CSMD2: variants seen among roughly 807,000 people sequenced by gnomAD.
CSMD2 encodes CUB and Sushi multiple domains 2.
CSMD2 carries 130 observed loss-of-function variants against 398.5 expected under a neutral mutation model. The observed-to-expected ratio is 0.33, with a 90% CI of 0.28 to 0.38. The LOEUF is 0.38. Among genes scored for constraint, CSMD2 ranks in the 10% least tolerant of loss-of-function variants. The pLI is 1.00. For synonymous variants in CSMD2, 1,828 were observed against 1,908.5 expected (o/e 0.96, Z 1.10); for missense variants, 3,829 against 4,764.9 (o/e 0.80, Z 5.78).
intron 10 of CSMD2, among the ~76,000 whole-genome samples, chr1:33,803,334 CCTCT>C (rs1212020565): frequency 6.6e-6 from 1 of 152,220 alleles, no homozygotes; most frequent in Non-Finnish European, 1.5e-5. Flanking sequence ...AACACCCAAA[CCTCT>C]CTCTTAAACT....
At chr1:33,517,167 T>A (rs1653840975) in intron 70 of CSMD2, among the ~76,000 whole-genome samples, 1 of 152,208 alleles carries the variant, frequency 6.6e-6, no homozygotes, top group African/African-American at 2.4e-5. Flanking sequence ...AAAATTACCA[T>A]CTAGTCACTC....
intron 3 of CSMD2, among the ~76,000 whole-genome samples, chr1:33,985,500 G>A (rs1417068774): frequency 1.3e-5 from 2 of 152,188 alleles, no homozygotes; most frequent in Non-Finnish European, 2.9e-5. Context: ...TGTTGGGAAG[G>A]CATGGGGCTG....
chr1:33,972,007 G>C (rs1645789383), intron 3 of CSMD2, among the ~76,000 whole-genome samples: 1 of 152,120 alleles, frequency 6.6e-6, no homozygotes. Context: ...AGTCCTCAAA[G>C]GACTGCTGCG....
chr1:33,534,340 G>A lies in CSMD2; in HGVS notation c.9880-433C>T, dbSNP rs78264530. Among the ~76,000 whole-genome samples, 440 of 152,316 alleles carry A rather than the reference G, an allele frequency of 2.9e-3. 1 individual carries two copies. The highest frequency in any genetic ancestry group is 0.01 in the African/African-American group (420 of 41,568). ...CGGATTTGACAGCATTTTACAAAAT[G>A]TGAAGAAGAGTGCAAATTAAATATT... On this transcript the variant is annotated intron_variant, in intron 62 of 70. Coordinates refer to ENST00000373381, the MANE Select transcript of CSMD2 (RefSeq NM_001281956.2).
intron 4 of CSMD2, among the ~76,000 whole-genome samples, chr1:33,933,436 T>C (rs182713728): frequency 1.4e-3 from 209 of 152,364 alleles, no homozygotes; most frequent in Middle Eastern, 0.01. Context: ...CATTTGTTTC[T>C]GGTTTTTATC....
At chr1:33,565,133 G>A (rs763766465) in intron 53 of CSMD2, among the ~76,000 whole-genome samples, 4 of 152,208 alleles carry the variant, frequency 2.6e-5, no homozygotes, top group Non-Finnish European at 2.9e-5. Flanking sequence ...GAGCAAGACT[G>A]TATGAGAAAG....
chr1:33,526,814 A>G (rs1314095227), intron 65 of CSMD2, among the ~76,000 whole-genome samples: 1 of 152,234 alleles, frequency 6.6e-6, no homozygotes, highest in African/African-American at 2.4e-5. Flanking sequence ...TGGATGTGAT[A>G]CTTGGAAAGA....
intron 40 of CSMD2, 38 bp from the exon 41 acceptor site, chr1:33,611,288 C>T: frequency 6.4e-7 from 1 of 1,554,834 alleles, no homozygotes; most frequent in Non-Finnish European, 8.9e-7. Context: ...CCCAAAGCAA[C>T]ACAGTCCTGC....
chr1:34,090,288 C>G (rs1189213098), intron 1 of CSMD2, among the ~76,000 whole-genome samples: 2 of 152,196 alleles, frequency 1.3e-5, no homozygotes, highest in African/African-American at 4.8e-5. Flanking sequence ...CTCTGTGGGA[C>G]CACACTTTGA....
Position 33,562,077 on chromosome 1 carries a change from C to T in CSMD2, c.8381-2604G>A, listed in dbSNP as rs551422165. 9.2e-5 allele frequency among the ~76,000 whole-genome samples: 14 copies of T among 152,276 alleles called. No individual in the cohort carries two copies. In the South Asian group the frequency reaches 1.2e-3, roughly 14 times the overall value. On this transcript the variant is annotated intron_variant, in intron 53 of 70. Transcript: ENST00000373381. ...AAAAGTAGTAAAGCAAAAAGCTCTACAGGAGGGGGTAGTTGTCACAGAGCC... is the reference window on the plus strand; with the variant it reads ...AAAAGTAGTAAAGCAAAAAGCTCTATAGGAGGGGGTAGTTGTCACAGAGCC...
At chr1:34,077,316 G>A (rs1267925554) in intron 2 of CSMD2, among the ~76,000 whole-genome samples, 1 of 150,942 alleles carries the variant, frequency 6.6e-6, no homozygotes, top group African/African-American at 2.4e-5. Flanking sequence ...AATTAGCCGG[G>A]CGCGGTGGCG....
At chr1:33,521,705 G>A (rs766147638) in intron 67 of CSMD2, among the ~76,000 whole-genome samples, 155 bp from the exon 68 acceptor site, 7 of 152,214 alleles carry the variant, frequency 4.6e-5, no homozygotes, top group South Asian at 4.1e-4. Flanking sequence ...AAGGGTGGGT[G>A]TGACCGGGGA....
chr1:33,864,170 G>A (rs1416147904), intron 5 of CSMD2: 14 of 1,573,214 alleles, frequency 8.9e-6, no homozygotes, highest in Non-Finnish European at 1.0e-5. Flanking sequence ...ACTGAATCCA[G>A]AAAAAAGGTG....
chr1:33,999,959 C>T (rs187909758), intron 3 of CSMD2, among the ~76,000 whole-genome samples: 1 of 152,128 alleles, frequency 6.6e-6, no homozygotes, highest in Admixed American at 6.5e-5. Flanking sequence ...TAAAGATGTC[C>T]AGTGAAGGTA....
chr1:33,743,505 C>T lies in CSMD2; in HGVS notation c.1948G>A (p.Ala650Thr), dbSNP rs1250755081. Reference sequence around the variant, plus strand: ...AGGTGGATGCGGCTCTCAGGCCTGGCCAGGATGAGCCAGACACAGTGGAGG... The same window carrying T: ...AGGTGGATGCGGCTCTCAGGCCTGGTCAGGATGAGCCAGACACAGTGGAGG... ...NHLHCVWLIL[A>T]RPESRIHLAF... The change falls in exon 14 of 71, where the codon GCC becomes ACC. Residue 650 changes from alanine to threonine, a missense_variant. Coordinates refer to ENST00000373381, the MANE Select transcript of CSMD2 (RefSeq NM_001281956.2). 1 of 1,614,012 alleles carries T rather than the reference C, an allele frequency of 6.2e-7. No individual in the cohort carries two copies. Among genetic ancestry groups the T allele is most frequent in the Non-Finnish European group, 8.5e-7 (1 of 1,180,024 alleles).
intron 55 of CSMD2, among the ~76,000 whole-genome samples, chr1:33,556,285 G>A (rs981644509): frequency 7.9e-5 from 12 of 152,122 alleles, no homozygotes; most frequent in African/African-American, 2.4e-4. Flanking sequence ...ACTATTTGCT[G>A]GTCATAAATG....
At chr1:33,724,751 C>T (rs1417660292) in intron 17 of CSMD2, 47 bp from the exon 18 acceptor site, 1 of 1,560,324 alleles carries the variant, frequency 6.4e-7, no homozygotes. Flanking sequence ...ACTGTCACTA[C>T]AGAGGGACCC....
At chr1:33,972,148 A>AG (rs1413129832) in intron 3 of CSMD2, among the ~76,000 whole-genome samples, 62 of 152,062 alleles carry the variant, frequency 4.1e-4, no homozygotes, top group Admixed American at 4.1e-3. Flanking sequence ...TGGACAGCAG[A>AG]GGGGGCAGTG....
intron 24 of CSMD2, among the ~76,000 whole-genome samples, chr1:33,696,399 A>G (rs1288697863): frequency 6.6e-6 from 1 of 152,190 alleles, no homozygotes; most frequent in East Asian, 1.9e-4. Context: ...GAGGCCCTCT[A>G]CAAGACCCTC....
Sources: allele counts gnomAD v4.1 joint callset (sites outside exome capture counted in the v4.1 genomes callset), GRCh38; gene constraint gnomAD v4.1.1; transcripts MANE v1.5; gene names NCBI Gene and HGNC (gene_info 2026-07-23, HGNC 2026-07-21).